The following MYO5A variants were observed in gnomAD, a reference collection of about 807,000 sequenced individuals.
The protein encoded by MYO5A is myosin VA, also known as unconventional myosin-Va.
MYO5A carries 98 observed loss-of-function variants against 249.7 expected under a neutral mutation model. The observed-to-expected ratio is 0.39, with a 90% CI of 0.33 to 0.46. The LOEUF (loss-of-function observed/expected upper bound fraction) is 0.46, where lower values mean the gene tolerates loss of function less well. Among genes scored for constraint, MYO5A ranks in the 20% least tolerant of loss-of-function variants. MYO5A has a pLI of 0.98. For synonymous variants in MYO5A, 778 were observed against 810.6 expected (o/e 0.96, Z 0.68); for missense variants, 1,696 against 2,308.8 (o/e 0.73, Z 5.44).
At chr15:52,358,852 C>T (rs974156713) in intron 25 of MYO5A, among the ~76,000 whole-genome samples, 1 of 152,018 alleles carries the variant, frequency 6.6e-6, no homozygotes, top group African/African-American at 2.4e-5. Flanking sequence ...ACTGGAAAAA[C>T]CTCTATCCTG....
intron 4 of MYO5A, among the ~76,000 whole-genome samples, chr15:52,419,336 C>T (rs1270781513): frequency 1.3e-5 from 2 of 152,134 alleles, no homozygotes; most frequent in Non-Finnish European, 2.9e-5. Context: ...TAATAAAATG[C>T]TTTCTTTCAA....
intron 31 of MYO5A, among the ~76,000 whole-genome samples, chr15:52,341,741 G>GAATA (rs5812599): frequency 3.9e-5 from 6 of 152,100 alleles, no homozygotes; most frequent in Non-Finnish European, 7.3e-5. Context: ...TTAATGATGA[G>GAATA]AACAAAGCAG....
intron 28 of MYO5A, among the ~76,000 whole-genome samples, chr15:52,349,189 T>C (rs1952378542): frequency 2.0e-5 from 3 of 152,198 alleles, no homozygotes; most frequent in South Asian, 4.1e-4. Flanking sequence ...AAGTTATGTC[T>C]CTCACAGAAG....
intron 35 of MYO5A, among the ~76,000 whole-genome samples, chr15:52,329,637 T>A (rs2038777756): frequency 6.6e-6 from 1 of 152,210 alleles, no homozygotes; most frequent in Non-Finnish European, 1.5e-5. Context: ...ACCTATTTAG[T>A]TGCAAACCTT....
At position 52,515,286 on chromosome 15, in the gene MYO5A, A is replaced by G. The variant is rs201186029; in HGVS notation, c.27+13494T>C. 5.4e-5 allele frequency among the ~76,000 whole-genome samples: 8 copies of G among 147,956 alleles called. No homozygotes were observed. In the South Asian group the frequency reaches 1.7e-3, roughly 32 times the overall value. ...AGCAAGACCCTGTCTCAAGAAAAAA[A>G]AAAGAAAGAAAGAAAGAAAAAAAAG... On this transcript the variant is annotated intron_variant, in intron 1 of 41. Transcript: ENST00000399233.
At position 52,340,323 on chromosome 15, in the gene MYO5A, A is replaced by C; in HGVS notation, c.4112T>G (p.Ile1371Ser). Residue 1371 changes from isoleucine to serine, a missense_variant, in exon 32 of 42, where the codon ATC becomes AGC. Ile to Ser is a moderately radical substitution (Grantham distance 142, BLOSUM62 -2). Transcript: ENST00000399233. ...ENEAEALRGE[I>S]QSLKEENNRQ... ...GTTGTTCTCCTCCTTCAGGCTCTGG[A>C]TCTCCCCACGGAGGGCCTCGGCCTC... The C allele has an allele frequency of 6.2e-7, 1 of 1,613,786 alleles. No individual in the cohort carries two copies. The highest frequency in any genetic ancestry group is 8.5e-7 in the Non-Finnish European group (1 of 1,179,990).
At chr15:52,503,254 T>C (rs977316192) in intron 1 of MYO5A, among the ~76,000 whole-genome samples, 6 of 152,222 alleles carry the variant, frequency 3.9e-5, no homozygotes, top group African/African-American at 1.4e-4. Flanking sequence ...ACTGATTAGA[T>C]CTTTATAAAT....
chr15:52,416,104 C>T, intron 5 of MYO5A, 41 bp downstream of exon 5: 1 of 1,610,648 alleles, frequency 6.2e-7, no homozygotes, highest in Non-Finnish European at 8.5e-7. Context: ...TGTTTCTTAT[C>T]AAGAGAATAT....
At chr15:52,420,829 T>C (rs1367142887) in intron 4 of MYO5A, among the ~76,000 whole-genome samples, 2 of 152,136 alleles carry the variant, frequency 1.3e-5, no homozygotes, top group Non-Finnish European at 2.9e-5. Context: ...TCTGTTAGAA[T>C]AGGGCCAGGT....
chr15:52,322,219 G>A (rs115419228), intron 37 of MYO5A, among the ~76,000 whole-genome samples: 212 of 152,358 alleles, frequency 1.4e-3, no homozygotes, highest in African/African-American at 4.5e-3. Context: ...TGACTGGTCC[G>A]AAAGTGGGGA....
intron 1 of MYO5A, among the ~76,000 whole-genome samples, chr15:52,451,559 G>A (rs886221564): frequency 6.6e-6 from 1 of 152,122 alleles, no homozygotes; most frequent in Non-Finnish European, 1.5e-5. Flanking sequence ...GCCCTCAGAA[G>A]GTTCGAAGAA....
intron 16 of MYO5A, among the ~76,000 whole-genome samples, chr15:52,380,405 C>T (rs2041675321): frequency 1.3e-5 from 2 of 151,902 alleles, no homozygotes; most frequent in African/African-American, 4.8e-5. Flanking sequence ...CACTGCACTC[C>T]AGCCTGGGTG....
intron 40 of MYO5A, 90 bp from the exon 41 acceptor site, chr15:52,314,293 T>C: frequency 1.0e-5 from 10 of 965,468 alleles, no homozygotes; most frequent in Non-Finnish European, 1.7e-5. Context: ...GATCTGTGCG[T>C]ACAGATTTCA....
In MYO5A at chr15:52,370,223, T is replaced by A. The variant is rs377633670; in HGVS notation, c.3012A>T (p.Ser1004=). 1.7e-5 allele frequency: 28 copies of A among 1,614,096 alleles called. No homozygotes were observed. Among genetic ancestry groups the A allele is most frequent in the Non-Finnish European group, 2.4e-5 (28 of 1,180,032 alleles). The stretch of plus-strand genomic sequence containing the variant: ...CATGTTCCTCAATGCATTTTTTCTC[T>A]GAACGAGTTTGCTCCAGGTCTTTCC... ...KLRKDLEQTR[S]EKKCIEEHAD... Residue 1004 remains serine, a synonymous_variant, in exon 22 of 42, where the codon TCA becomes TCT. Coordinates refer to ENST00000399233, the MANE Select transcript of MYO5A (RefSeq NM_001382347.1).
chr15:52,368,630 C>A (rs946630885), intron 22 of MYO5A, among the ~76,000 whole-genome samples: 2 of 152,114 alleles, frequency 1.3e-5, no homozygotes, highest in South Asian at 2.1e-4. Context: ...TGGGGCCAGG[C>A]GCAGTGGCTC....
chr15:52,321,578 T>C, intron 37 of MYO5A, 69 bp from the exon 38 acceptor site: 1 of 1,537,408 alleles, frequency 6.5e-7, no homozygotes, highest in South Asian at 1.1e-5. Flanking sequence ...CTATCTCCAA[T>C]TTGATCAGCA....
At chr15:52,360,399 T>G (rs1031871450) in intron 24 of MYO5A, among the ~76,000 whole-genome samples, 1 of 152,216 alleles carries the variant, frequency 6.6e-6, no homozygotes, top group Non-Finnish European at 1.5e-5. Context: ...CAGTGCTCAG[T>G]GAAGCACTGG....
intron 1 of MYO5A, among the ~76,000 whole-genome samples, chr15:52,441,711 C>T (rs574856003): frequency 6.6e-6 from 1 of 152,310 alleles, no homozygotes; most frequent in Non-Finnish European, 1.5e-5. Flanking sequence ...CCTCATTTGG[C>T]TCTCCATTCT....
At chr15:52,508,352 A>G (rs184541698) in intron 1 of MYO5A, among the ~76,000 whole-genome samples, 1 of 152,046 alleles carries the variant, frequency 6.6e-6, no homozygotes, top group East Asian at 1.9e-4. Context: ...CTTTGATAAA[A>G]TTACAACAAA....
Sources: gnomAD v4.1 joint callset for allele counts (sites outside exome capture counted in the v4.1 genomes callset) on GRCh38, gnomAD v4.1.1 for gene constraint, MANE v1.5 for transcripts, NCBI Gene and HGNC (gene_info 2026-07-23, HGNC 2026-07-21) for gene names.